The following PLXNA4 variants were observed in gnomAD, a reference collection of about 807,000 sequenced individuals.
PLXNA4 encodes the protein plexin A4, also known as plexin-A4.
In PLXNA4, 44 loss-of-function variants were observed where a neutral mutation model predicts 191.8. The ratio of observed to expected loss-of-function variants is 0.23; its 90% confidence interval spans 0.18 to 0.29. The LOEUF is 0.29. Ranked by LOEUF, PLXNA4 falls within the 10% of genes least tolerant of loss-of-function variation. The probability of loss-of-function intolerance (pLI) is 1.00; values close to 1 mark genes in which losing one functional copy is unlikely to be tolerated. For synonymous variants in PLXNA4, 1,082 were observed against 1,009.5 expected, an observed-to-expected ratio of 1.07 and a Z score of -1.36; for missense variants, 1,800 against 2,488.8, an observed-to-expected ratio of 0.72 and a Z score of 5.89.
intron 1 of PLXNA4, among the ~76,000 whole-genome samples, chr7:132,536,995 A>C (rs549777751): frequency 6.6e-6 from 1 of 152,340 alleles, no homozygotes; most frequent in East Asian, 1.9e-4. Context: ...GGCTGATTTA[A>C]AAGATGGCAA....
At chr7:132,500,930 C>A (rs1798223663) in intron 2 of PLXNA4, among the ~76,000 whole-genome samples, 3 of 152,160 alleles carry the variant, frequency 2.0e-5, no homozygotes, top group Admixed American at 6.5e-5. Context: ...GATCCTGACT[C>A]CTAGACCAGT....
At chr7:132,342,153 CA>C (rs987970037) in intron 3 of PLXNA4, among the ~76,000 whole-genome samples, 2 of 151,232 alleles carry the variant, frequency 1.3e-5, no homozygotes, top group African/African-American at 4.9e-5. Flanking sequence ...TCTTCCTTCC[CA>C]CAACATCAGA....
chr7:132,476,372 A>G (rs898966861), intron 3 of PLXNA4, among the ~76,000 whole-genome samples: 4 of 152,226 alleles, frequency 2.6e-5, no homozygotes, highest in African/African-American at 9.6e-5. Context: ...CATCATCAAT[A>G]TGATGCGAGT....
intron 8 of PLXNA4, 76 bp downstream of exon 8, chr7:132,226,085 T>C (rs1437047097): frequency 1.7e-5 from 23 of 1,368,684 alleles, no homozygotes; most frequent in Non-Finnish European, 2.3e-5. Flanking sequence ...TCCCTGGGAA[T>C]AGTGATGGGG....
At chr7:132,480,494 C>A (rs1797293837) in intron 3 of PLXNA4, among the ~76,000 whole-genome samples, 2 of 152,092 alleles carry the variant, frequency 1.3e-5, no homozygotes, top group Admixed American at 1.3e-4. Context: ...GGAAAAATCA[C>A]CCAGAACCAC....
In PLXNA4 at chr7:132,588,058, C is replaced by T. The variant is rs529644722; in HGVS notation, c.-87+57870G>A. Reference sequence around the variant, plus strand: ...GACCCTTTCCATTTCTCTCTTCCTACTCCCTTAACCCTCTGAAGGCTTCAA... The same window carrying T: ...GACCCTTTCCATTTCTCTCTTCCTATTCCCTTAACCCTCTGAAGGCTTCAA... On this transcript the variant is annotated intron_variant, in intron 2 of 4. Coordinates refer to the PLXNA4 transcript ENST00000378539. Among the ~76,000 whole-genome samples, 6 of 151,928 alleles carry T rather than the reference C, an allele frequency of 3.9e-5. No homozygotes were observed. The South Asian group carries it at 1.3e-3, about 32-fold the overall frequency.
intron 24 of PLXNA4, among the ~76,000 whole-genome samples, chr7:132,161,057 A>G (rs1247740841): frequency 6.6e-6 from 1 of 152,104 alleles, no homozygotes; most frequent in Non-Finnish European, 1.5e-5. Context: ...CCTCCTTCTA[A>G]GAGTCTTCTG....
At chr7:132,223,260 C>G (rs1483615089) in intron 9 of PLXNA4, among the ~76,000 whole-genome samples, 3 of 152,178 alleles carry the variant, frequency 2.0e-5, no homozygotes, top group East Asian at 3.8e-4. Context: ...CTAGGACCCA[C>G]CTGGTGTGTG....
intron 1 of PLXNA4, among the ~76,000 whole-genome samples, chr7:132,540,140 A>G (rs1370337521): frequency 6.6e-6 from 1 of 152,166 alleles, no homozygotes; most frequent in Non-Finnish European, 1.5e-5. Flanking sequence ...TCCTACTTAC[A>G]ATGCCAGTGA....
At chr7:132,282,001 C>T (rs1474487615) in intron 4 of PLXNA4, among the ~76,000 whole-genome samples, 2 of 152,094 alleles carry the variant, frequency 1.3e-5, no homozygotes, top group Non-Finnish European at 2.9e-5. Context: ...AGTGAGGATG[C>T]CAGTGTCAAG....
intron 1 of PLXNA4, among the ~76,000 whole-genome samples, chr7:132,567,560 G>A (rs192571197): frequency 1.3e-5 from 2 of 152,188 alleles, no homozygotes; most frequent in East Asian, 3.9e-4. Flanking sequence ...CACCATATTA[G>A]TCTGGTTCAC....
intron 9 of PLXNA4, among the ~76,000 whole-genome samples, chr7:132,220,749 A>G (rs1380009652): frequency 6.6e-6 from 1 of 150,604 alleles, no homozygotes; most frequent in Non-Finnish European, 1.5e-5. Context: ...GCTTGAAGCC[A>G]TCATTCTTCT....
intron 3 of PLXNA4, among the ~76,000 whole-genome samples, chr7:132,446,424 A>G (rs1370336850): frequency 6.6e-6 from 1 of 152,158 alleles, no homozygotes; most frequent in Non-Finnish European, 1.5e-5. Flanking sequence ...AGGAATTGAA[A>G]GGGGAATTTG....
chr7:132,312,319 A>G (rs2116588952), intron 3 of PLXNA4, among the ~76,000 whole-genome samples: 1 of 152,246 alleles, frequency 6.6e-6, no homozygotes, highest in South Asian at 2.1e-4. Flanking sequence ...ATCAAGGCCC[A>G]TGTGTTTCAC....
chr7:132,479,745 G>A (rs949294577), intron 3 of PLXNA4, among the ~76,000 whole-genome samples: 3 of 152,172 alleles, frequency 2.0e-5, no homozygotes, highest in Non-Finnish European at 4.4e-5. Flanking sequence ...TGCCTCCTGG[G>A]TTCAAGCGAT....
rs1279567160 is a variant in PLXNA4, at chr7:132,181,794, A to G, written c.3253-174T>C. On this transcript the variant is annotated intron_variant, in intron 17 of 31. Coordinates refer to ENST00000321063, the MANE Select transcript of PLXNA4 (RefSeq NM_020911.2). ...TCAAGGAATAGGCTCTATAGCTTGC[A>G]CCCAGCTCCGGTTTTGCCCATAGTG... 2.6e-5 allele frequency among the ~76,000 whole-genome samples: 4 copies of G among 152,178 alleles called. No individual in the cohort carries two copies. The East Asian group carries it at 7.7e-4, about 29-fold the overall frequency.
At chr7:132,130,711 G>T in intron 31 of PLXNA4, 137 bp from the exon 32 acceptor site, 7 of 1,294,986 alleles carry the variant, frequency 5.4e-6, no homozygotes, top group South Asian at 1.4e-5. Context: ...AGGACACTGC[G>T]GGGTAGGAGG....
At position 132,259,436 on chromosome 7, in the gene PLXNA4, C is replaced by CAAAAAAAAAAAAAAAAAAAAAAAAAAAA. The variant is rs55902635; in HGVS notation, c.1504-18298_1504-18271dup. On this transcript the variant is annotated intron_variant, in intron 4 of 31. Coordinates refer to ENST00000321063, the MANE Select transcript of PLXNA4 (RefSeq NM_020911.2). ...GGGCAACAAGAGCAAAACTCCAACT[C>CAAAAAAAAAAAAAAAAAAAAAAAAAAAA]AAAAAAAAAAAAAAAAAAAAAAAAA... Among the ~76,000 whole-genome samples the CAAAAAAAAAAAAAAAAAAAAAAAAAAAA allele has an allele frequency of 8.9e-4, 30 of 33,872 alleles. 1 individual carries two copies. Among genetic ancestry groups the CAAAAAAAAAAAAAAAAAAAAAAAAAAAA allele is most frequent in the Admixed American group, 1.6e-3 (3 of 1,868 alleles). 22.2% of individuals were successfully genotyped at this position (33,872 alleles called of 152,430 possible).
At chr7:132,416,913 G>A (rs1794680681) in intron 3 of PLXNA4, among the ~76,000 whole-genome samples, 1 of 151,934 alleles carries the variant, frequency 6.6e-6, no homozygotes, top group African/African-American at 2.4e-5. Context: ...CAAACTCACA[G>A]TTGCTTCTCT....
Sources: allele counts gnomAD v4.1 joint callset (sites outside exome capture counted in the v4.1 genomes callset), GRCh38; gene constraint gnomAD v4.1.1; transcripts MANE v1.5; gene names NCBI Gene and HGNC (gene_info 2026-07-23, HGNC 2026-07-21).